Variants in ERICH6B observed in about 807,000 individuals in gnomAD.
ERICH6B encodes glutamate rich 6B.
ERICH6B carries 69 observed loss-of-function variants against 80.0 expected under a neutral mutation model. The ratio of observed to expected loss-of-function variants is 0.86; its 90% CI spans 0.71 to 1.05. The LOEUF (loss-of-function observed/expected upper bound fraction) is 1.05. Ranked by LOEUF, ERICH6B falls within the 50% of genes least tolerant of loss-of-function variation. ERICH6B has a pLI of 0.00. For missense variants in ERICH6B, 754 were observed against 796.1 expected (o/e 0.95, Z 0.64); for synonymous variants, 283 against 291.9 (o/e 0.97, Z 0.31).
At position 45,544,837 on chromosome 13, in the gene ERICH6B, T is replaced by C; in HGVS notation, c.1795A>G (p.Arg599Gly). The C allele has an allele frequency of 6.4e-7, 1 of 1,551,742 alleles. No homozygotes were observed. The highest frequency in any genetic ancestry group is 8.7e-7 in the Non-Finnish European group (1 of 1,147,006). Residue 599 changes from arginine to glycine, a missense_variant, in exon 14 of 15, where the codon AGG (arginine) becomes GGG (glycine). By Grantham distance (125) the Arg-to-Gly change is moderately radical. Transcript: ENST00000298738. ...KINEYIQVQI[R>G]SQDKIIFCFT... Reference sequence around the variant, plus strand: ...CAGAAGATGATCTTATCCTGGCTCCTTATTTGTACCTGGATGTACTCATTG... The same window carrying C: ...CAGAAGATGATCTTATCCTGGCTCCCTATTTGTACCTGGATGTACTCATTG...
intron 2 of ERICH6B, among the ~76,000 whole-genome samples, chr13:45,606,719 A>G (rs796215832): frequency 6.2e-4 from 94 of 150,680 alleles, no homozygotes; most frequent in African/African-American, 2.2e-3. Context: ...ATGCGTGTCT[A>G]ATTTTTGTAT....
At position 45,568,435 on chromosome 13, in the gene ERICH6B, T is replaced by G. The variant is rs185696055; in HGVS notation, c.1067A>C (p.Tyr356Ser). ...DLDENFLNSS[Y>S]QTVFKTIIKE... ...GATTATTGTTTTAAATACTGTCTGA[T>G]AGGAGCTGTTCAAAAACTACAAAAG... Residue 356 changes from tyrosine (Y) to serine (S), a missense_variant, in exon 9 of 15, where the codon TAT (tyrosine) becomes TCT (serine). Transcript: ENST00000298738. 2.6e-6 allele frequency: 4 copies of G among 1,531,468 alleles called. No homozygotes were observed. In the East Asian group the frequency reaches 1.0e-4, roughly 38 times the overall value. The allele number at this position is 1,531,468 out of a possible 1,614,324, so 94.9% of individuals were successfully genotyped here.
At chr13:45,587,316 G>C (rs1421813151) in intron 4 of ERICH6B, 84 bp from the exon 5 acceptor site, 4 of 1,268,814 alleles carry the variant, frequency 3.2e-6, no homozygotes, top group Middle Eastern at 2.4e-4. Flanking sequence ...GGGGTTGAGG[G>C]GGTGCTCTTG....
intron 2 of ERICH6B, 119 bp from the exon 3 acceptor site, chr13:45,597,182 A>C: frequency 1.4e-6 from 1 of 694,260 alleles, no homozygotes; most frequent in South Asian, 2.0e-5. Context: ...TTAAGTATGC[A>C]GATCAGTACA....
chr13:45,610,863 A>T (rs1231539792), intron 1 of ERICH6B, among the ~76,000 whole-genome samples: 2 of 148,830 alleles, frequency 1.3e-5, no homozygotes, highest in African/African-American at 5.0e-5. Context: ...GTGTGTATAT[A>T]TATATTTATA....
At chr13:45,573,450 A>G (rs1410060714) in intron 8 of ERICH6B, among the ~76,000 whole-genome samples, 1 of 152,198 alleles carries the variant, frequency 6.6e-6, no homozygotes, top group African/African-American at 2.4e-5. Flanking sequence ...GAGGCTTGAG[A>G]CATTTATTTC....
chr13:45,556,813 C>T (rs1192450194), intron 11 of ERICH6B, among the ~76,000 whole-genome samples: 1 of 152,002 alleles, frequency 6.6e-6, no homozygotes, highest in Admixed American at 6.6e-5. Flanking sequence ...ACACACACCA[C>T]AGTTTCTTTA....
chr13:45,595,374 A>G (rs932479917), intron 3 of ERICH6B, among the ~76,000 whole-genome samples: 1 of 152,194 alleles, frequency 6.6e-6, no homozygotes, highest in African/African-American at 2.4e-5. Flanking sequence ...TTGAATGTAT[A>G]TAATATTAAA....
At chr13:45,601,513 A>T (rs1593327044) in intron 2 of ERICH6B, among the ~76,000 whole-genome samples, 1 of 152,130 alleles carries the variant, frequency 6.6e-6, no homozygotes, top group Admixed American at 6.5e-5. Flanking sequence ...TGGCCACTCC[A>T]TCAAAGGCTT....
intron 2 of ERICH6B, among the ~76,000 whole-genome samples, chr13:45,604,818 G>A (rs553667949): frequency 2.3e-4 from 35 of 152,162 alleles, no homozygotes; most frequent in Admixed American, 3.3e-4. Flanking sequence ...CCTAGCTCAC[G>A]TGGGAGGCTG....
At chr13:45,581,522 G>T (rs985883014) in intron 5 of ERICH6B, among the ~76,000 whole-genome samples, 18 of 152,124 alleles carry the variant, frequency 1.2e-4, no homozygotes, top group African/African-American at 3.4e-4. Flanking sequence ...GACTACAGGC[G>T]TGTGCCACCA....
intron 2 of ERICH6B, among the ~76,000 whole-genome samples, chr13:45,602,113 G>C (rs1185895700): frequency 2.0e-5 from 3 of 152,226 alleles, no homozygotes; most frequent in Non-Finnish European, 4.4e-5. Context: ...ACTGTCTGCA[G>C]CCCAGCTGAG....
rs200662199 is a variant in ERICH6B at position 45,573,452 on chromosome 13, AT to A, written c.1050+1389del. Among the ~76,000 whole-genome samples the A allele has an allele frequency of 1.4e-3, 219 of 152,326 alleles. 5 individuals are homozygous for A. In the East Asian group the frequency reaches 0.038, roughly 26 times the overall value. ...CATTAAGGAACTGGAGGCTTGAGAC[AT>A]TTATTTCATAGCCTTCTTTCCTACT... On this transcript the variant is annotated intron_variant, in intron 8 of 14. Transcript: ENST00000298738.
chr13:45,565,439 C>T (rs185667225), intron 9 of ERICH6B, among the ~76,000 whole-genome samples: 20 of 152,300 alleles, frequency 1.3e-4, no homozygotes, highest in African/African-American at 4.3e-4. Flanking sequence ...ATTCTGAGAG[C>T]ATGCCTGCAC....
In ERICH6B at chr13:45,590,658, C is replaced by T. The variant is rs186534058; in HGVS notation, c.677G>A (p.Arg226His). Residue 226 changes from arginine (R) to histidine (H), a missense_variant, in exon 4 of 15, where the codon CGT (arginine) becomes CAT (histidine). Transcript: ENST00000298738. ...AAAAGAAAACTGTTACCTTGCATCA[C>T]GAAGAAGCATGGTTTGTGATGAATA... is the stretch of plus-strand genomic sequence containing the variant. ...ASYSSQTMLL[R>H]DARSPDAGPS... The T allele has an allele frequency of 2.1e-4, 325 of 1,551,294 alleles. No homozygotes were observed. Among genetic ancestry groups the T allele is most frequent in the Non-Finnish European group, 2.6e-4 (301 of 1,146,870 alleles).
chr13:45,563,047 A>G (rs1260015158), intron 10 of ERICH6B, among the ~76,000 whole-genome samples: 2 of 152,226 alleles, frequency 1.3e-5, no homozygotes, highest in Non-Finnish European at 1.5e-5. Context: ...GAGTTTTTGA[A>G]TGAAGATAGC....
chr13:45,557,295 A>G (rs940405343), intron 11 of ERICH6B, among the ~76,000 whole-genome samples: 1 of 150,990 alleles, frequency 6.6e-6, no homozygotes, highest in Non-Finnish European at 1.5e-5. Context: ...TTTTCTTGCT[A>G]ATTTGTTTGA....
chr13:45,597,727 T>C (rs1286883929), intron 2 of ERICH6B, among the ~76,000 whole-genome samples: 2 of 152,236 alleles, frequency 1.3e-5, no homozygotes, highest in African/African-American at 4.8e-5. Context: ...CCATGTCCTC[T>C]ATATTTTTTT....
At chr13:45,566,573 G>A (rs1269610896) in intron 9 of ERICH6B, among the ~76,000 whole-genome samples, 1 of 152,260 alleles carries the variant, frequency 6.6e-6, no homozygotes, top group African/African-American at 2.4e-5. Flanking sequence ...GGCTTCAGAG[G>A]GTGTAAACCC....
Sources: allele counts gnomAD v4.1 joint callset (sites outside exome capture counted in the v4.1 genomes callset), GRCh38; gene constraint gnomAD v4.1.1; transcripts MANE v1.5; gene names NCBI Gene and HGNC (gene_info 2026-07-23, HGNC 2026-07-21).